NPHS2: variants seen among roughly 807,000 people sequenced by gnomAD.
NPHS2 encodes the protein podocin.
In NPHS2, 36 loss-of-function variants were observed where a neutral mutation model predicts 37.1. That is an observed-to-expected ratio of 0.97 (90% CI 0.74 to 1.28). The LOEUF is 1.28. Ranked by LOEUF, NPHS2 falls within the 50% of genes most tolerant of loss-of-function variation. NPHS2 has a pLI of 0.00. For synonymous variants in NPHS2, 196 were observed against 189.3 expected (o/e 1.04, Z -0.29); for missense variants, 447 against 488.1 (o/e 0.92, Z 0.79).
intron 6 of NPHS2, among the ~76,000 whole-genome samples, chr1:179,553,063 A>G (rs1426437306): frequency 6.6e-6 from 1 of 152,260 alleles, no homozygotes; most frequent in Non-Finnish European, 1.5e-5. Flanking sequence ...CCAAGTTTAT[A>G]AAAGAGAAGA....
Position 179,550,695 on chromosome 1 carries a change from T to G in NPHS2, c.*478A>C, listed in dbSNP as rs1241013848. 1 of 189,704 alleles carries G rather than the reference T, an allele frequency of 5.3e-6. No homozygotes were observed. Among genetic ancestry groups the G allele is most frequent in the Non-Finnish European group, 1.1e-5 (1 of 90,016 alleles). 11.8% of individuals were successfully genotyped at this position (189,704 alleles called of 1,614,324 possible). On this transcript the variant is annotated 3_prime_UTR_variant, in exon 8 of 8. Coordinates refer to ENST00000367615, the MANE Select transcript of NPHS2 (RefSeq NM_014625.4). ...GGTGGAGCAAAAAGATTGAGTGTGG[T>G]TGAGGAAAACTAAGACTTGGTAGTA... is the stretch of plus-strand genomic sequence containing the variant.
intron 1 of NPHS2, among the ~76,000 whole-genome samples, chr1:179,567,824 CAT>C (rs1195240938): frequency 6.6e-6 from 1 of 152,154 alleles, no homozygotes; most frequent in African/African-American, 2.4e-5. Context: ...TTGAGATAAT[CAT>C]GTGGTTTTTG....
intron 1 of NPHS2, among the ~76,000 whole-genome samples, chr1:179,572,780 C>T (rs565483166): frequency 6.6e-6 from 1 of 150,964 alleles, no homozygotes; most frequent in East Asian, 1.9e-4. Flanking sequence ...CCTTCCCTTC[C>T]TCCCTCCTTC....
intron 6 of NPHS2, 67 bp from the exon 7 acceptor site, chr1:179,552,748 G>T: frequency 2.4e-6 from 3 of 1,229,544 alleles, no homozygotes; most frequent in Non-Finnish European, 2.4e-6. Context: ...CTTTCACACA[G>T]ACTTGCAAGC....
In NPHS2 at chr1:179,551,070, T is replaced by G. The variant is rs1673179052; in HGVS notation, c.*103A>C. The stretch of plus-strand genomic sequence containing the variant: ...TCGTGCATTCCATGGCCATTCCATA[T>G]GGCAACCAAAGGAAGGGCAGGGAAT... On this transcript the variant is annotated 3_prime_UTR_variant, in exon 8 of 8. Transcript: ENST00000367615. The G allele has an allele frequency of 1.4e-6, 2 of 1,450,720 alleles. No homozygotes were observed. Among genetic ancestry groups the G allele is most frequent in the Non-Finnish European group, 1.9e-6 (2 of 1,040,332 alleles). 89.9% of individuals were successfully genotyped at this position (1,450,720 alleles called of 1,614,324 possible). A position where few individuals can be genotyped will look rare whatever the true frequency, so the allele number is the denominator to read the frequency against.
rs566596866 is a variant in NPHS2 at position 179,575,870 on chromosome 1, G to C, written c.-6C>G. The C allele has an allele frequency of 7.1e-7, 1 of 1,403,328 alleles. No individual in the cohort carries two copies. Among genetic ancestry groups the C allele is most frequent in the South Asian group, 1.7e-5 (1 of 58,654 alleles). 86.9% of individuals were successfully genotyped at this position (1,403,328 alleles called of 1,614,324 possible). A position where few individuals can be genotyped will look rare whatever the true frequency, so the allele number is the denominator to read the frequency against. On this transcript the variant is annotated 5_prime_UTR_variant, in exon 1 of 8. Coordinates refer to ENST00000367615, the MANE Select transcript of NPHS2 (RefSeq NM_014625.4). The stretch of plus-strand genomic sequence containing the variant: ...CTCCGCGCCCTCCTCTCCATCCTCA[G>C]AGCTGCCGGGCGGCTGGAGCAGCAG...
At chr1:179,565,191 T>G (rs920471008) in intron 1 of NPHS2, among the ~76,000 whole-genome samples, 2 of 152,100 alleles carry the variant, frequency 1.3e-5, no homozygotes, top group Non-Finnish European at 1.5e-5. Context: ...GGAAGAAAGG[T>G]TGAGCCTGGG....
intron 6 of NPHS2, among the ~76,000 whole-genome samples, 188 bp from the exon 7 acceptor site, chr1:179,552,869 G>A (rs1438426950): frequency 6.6e-6 from 1 of 152,208 alleles, no homozygotes; most frequent in Non-Finnish European, 1.5e-5. Context: ...TGCCTCAAAT[G>A]CAGTTTTGTA....
chr1:179,564,400 T>A (rs1674256995), intron 2 of NPHS2, among the ~76,000 whole-genome samples: 2 of 152,244 alleles, frequency 1.3e-5, no homozygotes, highest in South Asian at 4.1e-4. Flanking sequence ...AGAATGCAGA[T>A]GAACGAGACA....
Position 179,561,364 on chromosome 1 carries a change from A to G in NPHS2, c.379-3T>C, listed in dbSNP as rs371161458. The G allele has an allele frequency of 1.9e-6, 3 of 1,604,334 alleles. No individual in the cohort carries two copies. The African/African-American group carries it at 4.0e-5, about 21-fold the overall frequency. On this transcript the variant is annotated splice_region_variant and splice_polypyrimidine_tract_variant and intron_variant, in intron 2 of 7. Coordinates refer to ENST00000367615, the MANE Select transcript of NPHS2 (RefSeq NM_014625.4). The stretch of plus-strand genomic sequence containing the variant: ...ACTCTTTCATACTCTTGTACAACCT[A>G]AAGAGAAATTTAATCCTTTCAAATC...
At chr1:179,552,493 C>T (rs1673433134) in intron 7 of NPHS2, 110 bp downstream of exon 7, 1 of 829,626 alleles carries the variant, frequency 1.2e-6, no homozygotes, top group Admixed American at 2.0e-5. Flanking sequence ...GGGCCCAAGA[C>T]AGCTTCTGCC....
In NPHS2 at chr1:179,554,436, C is replaced by T. The variant is rs528478121; in HGVS notation, c.794+40G>A. On this transcript the variant is annotated intron_variant, in intron 6 of 7. Coordinates refer to ENST00000367615, the MANE Select transcript of NPHS2 (RefSeq NM_014625.4). The stretch of plus-strand genomic sequence containing the variant: ...ATTTAAAATGAAACCAGAATATTTT[C>T]CTTTATCATACAGTTCTTGCTAGTT... 14 of 1,611,726 alleles carry T rather than the reference C, an allele frequency of 8.7e-6. No homozygotes were observed. In the East Asian group the frequency reaches 2.7e-4, roughly 31 times the overall value.
chr1:179,575,243 T>G (rs1674711456), intron 1 of NPHS2, among the ~76,000 whole-genome samples: 1 of 152,158 alleles, frequency 6.6e-6, no homozygotes, highest in Non-Finnish European at 1.5e-5. Context: ...CGTGCATGTC[T>G]TTACTTAAAT....
Position 179,559,769 on chromosome 1 carries a change from AGAG to A in NPHS2, c.452-11_452-9del, listed in dbSNP as rs755282277. On this transcript the variant is annotated splice_polypyrimidine_tract_variant and intron_variant, in intron 3 of 7. Transcript: ENST00000367615. The stretch of plus-strand genomic sequence containing the variant: ...GCAAAAAAAAGAAAAGACCTAAAAG[AGAG>A]GAGGAGGAAGTGACAGATAAATAGC... The A allele has an allele frequency of 1.7e-4, 260 of 1,562,104 alleles. 1 individual carries two copies. The highest frequency in any genetic ancestry group is 1.7e-4 in the Non-Finnish European group (200 of 1,146,946).
In NPHS2 at chr1:179,575,780, C is replaced by T. The variant is rs561887984; in HGVS notation, c.85G>A (p.Ala29Thr). ...TPHKENKRAK[A>T]ERSGGGRGRQ... ...CCGCGGCCTCCGCCGCTCCTCTCGG[C>T]CTTTGCCCTCTTGTTCTCCTTGTGC... is the stretch of plus-strand genomic sequence containing the variant. Residue 29 changes from alanine (A) to threonine (T), a missense_variant, in exon 1 of 8, where the codon GCC (alanine) becomes ACC (threonine). Physicochemically the swap from Ala to Thr is moderately conservative, Grantham distance 58. Coordinates refer to ENST00000367615, the MANE Select transcript of NPHS2 (RefSeq NM_014625.4). 70 of 1,498,072 alleles carry T rather than the reference C, an allele frequency of 4.7e-5. 1 individual carries two copies. In the African/African-American group the frequency reaches 9.4e-4, roughly 20 times the overall value. 92.8% of individuals were successfully genotyped at this position (1,498,072 alleles called of 1,614,324 possible).
chr1:179,562,800 A>G (rs775563942), intron 2 of NPHS2, among the ~76,000 whole-genome samples: 2 of 152,232 alleles, frequency 1.3e-5, no homozygotes, highest in African/African-American at 2.4e-5. Context: ...TCCTAGCATT[A>G]CTTGTTTCTT....
At chr1:179,552,047 C>T (rs1043495345) in intron 7 of NPHS2, 3 of 168,606 alleles carry the variant, frequency 1.8e-5, no homozygotes, top group African/African-American at 7.2e-5. Flanking sequence ...TGCCTCCCTT[C>T]ATTCTTCACT....
At chr1:179,563,824 G>C (rs1674237120) in intron 2 of NPHS2, among the ~76,000 whole-genome samples, 2 of 152,166 alleles carry the variant, frequency 1.3e-5, no homozygotes, top group Non-Finnish European at 2.9e-5. Flanking sequence ...GGGAGGGAAA[G>C]GTGAAGGGGA....
At chr1:179,564,850 C>T (rs948412586) in intron 1 of NPHS2, 57 bp from the exon 2 acceptor site, 1 of 1,366,982 alleles carries the variant, frequency 7.3e-7, no homozygotes. Context: ...TATTCACTGA[C>T]TAGCATCTGT....
Sources: allele counts gnomAD v4.1 joint callset (sites outside exome capture counted in the v4.1 genomes callset), GRCh38; gene constraint gnomAD v4.1.1; transcripts MANE v1.5; gene names NCBI Gene and HGNC (gene_info 2026-07-23, HGNC 2026-07-21).